Variants in ZXDC observed in about 807,000 individuals in gnomAD.
ZXDC encodes the protein ZXD family zinc finger C.
Under a neutral mutation model 63.6 loss-of-function variants are expected in ZXDC, and 58 were observed. The observed-to-expected ratio is 0.91, with a 90% CI of 0.74 to 1.13. The LOEUF (loss-of-function observed/expected upper bound fraction) is 1.13, where lower values mean the gene tolerates loss of function less well. Among genes scored for constraint, ZXDC ranks in the 50% most tolerant of loss-of-function variants. The probability of loss-of-function intolerance (pLI) is 0.00; values close to 1 mark genes in which losing one functional copy is unlikely to be tolerated. For synonymous variants in ZXDC, 561 were observed against 496.1 expected (o/e 1.13, Z -1.74); for missense variants, 1,133 against 1,148.9 (o/e 0.99, Z 0.20).
chr3:126,441,839 C>A lies in ZXDC; in HGVS notation c.2320G>T (p.Gly774Ter), dbSNP rs369601463. 3.7e-6 allele frequency: 6 copies of A among 1,613,822 alleles called. No homozygotes were observed. In the South Asian group the frequency reaches 6.6e-5, roughly 18 times the overall value. Residue 774 changes from glycine to a stop codon, truncating the protein, a stop_gained, in exon 8 of 10, where the codon GGA becomes TGA. Transcript: ENST00000389709. LOFTEE classifies it high-confidence loss of function. Reference sequence around the variant, plus strand: ...GCTGGAGCTGGTCCTGGCCGTCCTCCGCTGGGCACCACGAGGCTCCCACAC... The same window carrying A: ...GCTGGAGCTGGTCCTGGCCGTCCTCAGCTGGGCACCACGAGGCTCCCACAC... The part of the protein sequence containing the change: ...WLCGSLVVPS[G>*]GRPGPAPAAG...
chr3:126,462,236 A>G lies in ZXDC; in HGVS notation c.1442-16T>C. On this transcript the variant is annotated splice_polypyrimidine_tract_variant and intron_variant, in intron 5 of 9. Coordinates refer to ENST00000389709, the MANE Select transcript of ZXDC (RefSeq NM_025112.5). The stretch of plus-strand genomic sequence containing the variant: ...GGTAAGAGATCTGAAAAAAAAAGGA[A>G]TACACTCTGGTTACTTTATGACCTT... 1.3e-6 allele frequency: 2 copies of G among 1,574,554 alleles called. No individual in the cohort carries two copies. Among genetic ancestry groups the G allele is most frequent in the Admixed American group, 1.8e-5 (1 of 55,764 alleles).
At chr3:126,442,031 A>G in intron 7 of ZXDC, 85 bp from the exon 8 acceptor site, 6 of 1,380,822 alleles carry the variant, frequency 4.3e-6, no homozygotes, top group Non-Finnish European at 5.7e-6. Context: ...TATGGGGAAG[A>G]CAGCCTTCCC....
chr3:126,472,858 T>C (rs922888445), intron 1 of ZXDC, among the ~76,000 whole-genome samples: 2 of 152,200 alleles, frequency 1.3e-5, no homozygotes, highest in Non-Finnish European at 2.9e-5. Flanking sequence ...TTCCCTGCTT[T>C]GTAATCTTCA....
chr3:126,462,173 C>A lies in ZXDC; in HGVS notation c.1489G>T (p.Glu497Ter). The A allele has an allele frequency of 6.2e-7, 1 of 1,610,642 alleles. No individual in the cohort carries two copies. Among genetic ancestry groups the A allele is most frequent in the South Asian group, 1.1e-5 (1 of 91,050 alleles). The change falls in exon 6 of 10, where the codon GAA becomes TAA. Residue 497 changes from glutamate (E) to a stop codon, truncating the protein, a stop_gained. Coordinates refer to ENST00000389709, the MANE Select transcript of ZXDC (RefSeq NM_025112.5). LOFTEE classifies it high-confidence loss of function. ...TCACTTTGGCCTGGGCTGCTGAGTT[C>A]ACTGCTGGGAGTAAGAGAACTCGGA... ...EAPSSLTPSS[E>*]LSSPGQSELT...
chr3:126,467,007 C>A (rs1934795542), intron 4 of ZXDC, among the ~76,000 whole-genome samples: 1 of 152,166 alleles, frequency 6.6e-6, no homozygotes, highest in South Asian at 2.1e-4. Context: ...ACGTGGAGCT[C>A]TTGGCGGTCA....
intron 4 of ZXDC, among the ~76,000 whole-genome samples, chr3:126,467,544 G>A (rs1452225803): frequency 2.0e-5 from 3 of 152,218 alleles, no homozygotes; most frequent in East Asian, 3.9e-4. Context: ...TAAGGAAAGA[G>A]GCTATGAAGA....
At chr3:126,464,758 G>C (rs879610409) in intron 5 of ZXDC, among the ~76,000 whole-genome samples, 11 of 152,148 alleles carry the variant, frequency 7.2e-5, no homozygotes, top group Admixed American at 2.0e-4. Flanking sequence ...TCAGAGAAAA[G>C]GGGCCTGGTC....
intron 7 of ZXDC, among the ~76,000 whole-genome samples, chr3:126,456,474 C>T (rs1934311645): frequency 6.6e-6 from 1 of 152,212 alleles, no homozygotes; most frequent in South Asian, 2.1e-4. Flanking sequence ...GGTGGGCTTC[C>T]CTGGGGGGCA....
intron 6 of ZXDC, chr3:126,460,175 C>T: frequency 1.0e-6 from 1 of 976,716 alleles, no homozygotes; most frequent in Non-Finnish European, 1.2e-6. Flanking sequence ...ACAGGCTGCT[C>T]TGGTGGCAGG....
At position 126,461,570 on chromosome 3, in the gene ZXDC, T is replaced by C; in HGVS notation, c.2092A>G (p.Thr698Ala). 1 of 1,613,976 alleles carries C rather than the reference T, an allele frequency of 6.2e-7. No homozygotes were observed. The highest frequency in any genetic ancestry group is 1.3e-5 in the African/African-American group (1 of 75,068). Residue 698 changes from threonine (T) to alanine (A), a missense_variant, in exon 6 of 10, where the codon ACA (threonine) becomes GCA (alanine). By Grantham distance (58) the Thr-to-Ala change is moderately conservative (BLOSUM62 0). Transcript: ENST00000389709. The part of the protein sequence containing the change: ...SPAEQHGAQD[T>A]ELSAGTGNFY... The stretch of plus-strand genomic sequence containing the variant: ...TTGCCAGTGCCTGCACTGAGCTCTG[T>C]GTCCTGGGCACCGTGCTGCTCTGCT...
intron 7 of ZXDC, chr3:126,443,163 T>C (rs1933747447): frequency 6.6e-6 from 1 of 152,214 alleles, no homozygotes; most frequent in Non-Finnish European, 1.5e-5. Context: ...ACCAGGAGGT[T>C]TCTGGGTAAC....
chr3:126,454,436 A>G (rs1253630140), intron 7 of ZXDC: 1 of 985,288 alleles, frequency 1.0e-6, no homozygotes, highest in East Asian at 1.1e-4. Context: ...TTTTCCTTGA[A>G]TTCTGCACTT....
intron 7 of ZXDC, chr3:126,458,994 T>C (rs1934417190): frequency 1.0e-6 from 1 of 981,722 alleles, no homozygotes; most frequent in African/African-American, 1.7e-5. Context: ...ATCAACCCTT[T>C]TAGATAAATA....
chr3:126,468,133 CTGTCTG>C (rs1934845944), intron 4 of ZXDC, among the ~76,000 whole-genome samples: 1 of 151,928 alleles, frequency 6.6e-6, no homozygotes, highest in African/African-American at 2.4e-5. Flanking sequence ...ACTGACAGAC[CTGTCTG>C]CAAAGCTGCA....
intron 5 of ZXDC, among the ~76,000 whole-genome samples, chr3:126,465,054 G>A (rs752708797): frequency 5.3e-5 from 8 of 152,160 alleles, no homozygotes; most frequent in Admixed American, 1.3e-4. Context: ...TTGCCAACGC[G>A]GCAGCTGTGA....
chr3:126,457,485 C>T lies in ZXDC; in HGVS notation c.2212+2168G>A, dbSNP rs190414476. ...TGGGTGGCACTGACAGCAGCCTCAC[C>T]CTCACGAGGACATTCTCCTGCTGCA... On this transcript the variant is annotated intron_variant, in intron 7 of 9. Transcript: ENST00000389709. The T allele has an allele frequency of 4.1e-4, 407 of 985,434 alleles. 4 individuals are homozygous for T. In the African/African-American group the frequency reaches 7.0e-3, roughly 17 times the overall value. The allele number at this position is 985,434 out of a possible 1,614,324, so 61.0% of individuals were successfully genotyped here. A position where few individuals can be genotyped will look rare whatever the true frequency, so the allele number is the denominator to read the frequency against.
chr3:126,443,575 T>C (rs1933761949), intron 7 of ZXDC, among the ~76,000 whole-genome samples: 1 of 152,210 alleles, frequency 6.6e-6, no homozygotes, highest in Non-Finnish European at 1.5e-5. Context: ...ACAGACTTGC[T>C]GGATACAGGT....
At position 126,475,883 on chromosome 3, in the gene ZXDC, CG is replaced by C. The variant is rs947887016; in HGVS notation, c.-19del. On this transcript the variant is annotated 5_prime_UTR_variant, in exon 1 of 10. Coordinates refer to ENST00000389709, the MANE Select transcript of ZXDC (RefSeq NM_025112.5). ...AGGTCCATCTTGGTCCCAGCGACGGCGTCGGAGCAGCTTCGGACGCAGAGCT... is the reference window on the plus strand; with the variant it reads ...AGGTCCATCTTGGTCCCAGCGACGGCTCGGAGCAGCTTCGGACGCAGAGCT... The C allele has an allele frequency of 3.7e-6, 4 of 1,073,202 alleles. No homozygotes were observed. In the Admixed American group the frequency reaches 2.1e-4, roughly 57 times the overall value. The allele number at this position is 1,073,202 out of a possible 1,614,324, so 66.5% of individuals were successfully genotyped here. A position where few individuals can be genotyped will look rare whatever the true frequency, so the allele number is the denominator to read the frequency against.
intron 7 of ZXDC, chr3:126,450,400 G>A (rs1363726370): frequency 4.4e-6 from 2 of 455,872 alleles, no homozygotes; most frequent in East Asian, 1.4e-4. Flanking sequence ...ACCCTCCCCT[G>A]TTAGAGGCCA....
Sources: gnomAD v4.1 joint callset for allele counts (sites outside exome capture counted in the v4.1 genomes callset) on GRCh38, gnomAD v4.1.1 for gene constraint, MANE v1.5 for transcripts, NCBI Gene and HGNC (gene_info 2026-07-23, HGNC 2026-07-21) for gene names.